Variants in MACROD2 observed in about 807,000 individuals in gnomAD.
The protein encoded by MACROD2 is mono-ADP ribosylhydrolase 2, also known as ADP-ribose glycohydrolase MACROD2.
A neutral mutation model predicts 70.4 loss-of-function variants in MACROD2; 36 were observed. The ratio of observed to expected loss-of-function variants is 0.51; its 90% CI spans 0.39 to 0.68. The LOEUF (loss-of-function observed/expected upper bound fraction) is 0.68. Among genes scored for constraint, MACROD2 ranks in the 30% least tolerant of loss-of-function variants. MACROD2 has a pLI of 0.00. For synonymous variants in MACROD2, 172 were observed against 178.8 expected (o/e 0.96, Z 0.30); for missense variants, 496 against 538.4 (o/e 0.92, Z 0.78).
At chr20:15,949,575 A>G (rs1409425251) in intron 12 of MACROD2, among the ~76,000 whole-genome samples, 1 of 152,124 alleles carries the variant, frequency 6.6e-6, no homozygotes, top group Non-Finnish European at 1.5e-5. Context: ...CACCTAAGAA[A>G]TCTCTACCTA....
At chr20:14,679,521 T>C (rs1234754654) in intron 4 of MACROD2, among the ~76,000 whole-genome samples, 2 of 152,182 alleles carry the variant, frequency 1.3e-5, no homozygotes, top group African/African-American at 4.8e-5. Flanking sequence ...ATGTAAGATA[T>C]GAAGAACAAC....
chr20:14,290,194 T>C (rs2082374779), intron 3 of MACROD2, among the ~76,000 whole-genome samples: 1 of 152,200 alleles, frequency 6.6e-6, no homozygotes, highest in African/African-American at 2.4e-5. Flanking sequence ...GGTAACAAAA[T>C]AATCTGTACA....
At chr20:14,278,910 T>C (rs2082281526) in intron 3 of MACROD2, among the ~76,000 whole-genome samples, 1 of 152,190 alleles carries the variant, frequency 6.6e-6, no homozygotes, top group Non-Finnish European at 1.5e-5. Flanking sequence ...TACAGTGAAA[T>C]GTAAGCAAGA....
chr20:15,977,936 C>G (rs974217140), intron 13 of MACROD2, among the ~76,000 whole-genome samples: 12 of 152,186 alleles, frequency 7.9e-5, no homozygotes, highest in African/African-American at 2.9e-4. Flanking sequence ...GAACTGAGAT[C>G]ACAGCACTTA....
intron 3 of MACROD2, among the ~76,000 whole-genome samples, chr20:14,096,138 A>G (rs2054221527): frequency 6.6e-6 from 1 of 152,176 alleles, no homozygotes; most frequent in African/African-American, 2.4e-5. Context: ...TTTTGGACTG[A>G]GAGTGGATTA....
At chr20:15,726,717 G>T (rs1413068629) in intron 8 of MACROD2, among the ~76,000 whole-genome samples, 1 of 151,978 alleles carries the variant, frequency 6.6e-6, no homozygotes, top group African/African-American at 2.4e-5. Flanking sequence ...TTGTTGGCCA[G>T]TGGGTGTCTT....
chr20:14,654,640 C>T (rs959519641), intron 4 of MACROD2, among the ~76,000 whole-genome samples: 1 of 152,056 alleles, frequency 6.6e-6, no homozygotes, highest in African/African-American at 2.4e-5. Context: ...ACTTTACATG[C>T]ACTAATTTTT....
At position 13,995,656 on chromosome 20, in the gene MACROD2, C is replaced by G; in HGVS notation, c.-108C>G. ...AGCGCAGGACGCAGAGCCTCTTTCA[C>G]TTTTTCCCTGCTGAGTGCCCCCTCC... On this transcript the variant is annotated 5_prime_UTR_variant, in exon 1 of 18. Coordinates refer to ENST00000684519, the MANE Select transcript of MACROD2 (RefSeq NM_001351661.2). This position sits in a 1 kb window ranked among gnomAD's most constrained non-coding sequence, Gnocchi z 4.3. 1 of 983,004 alleles carries G rather than the reference C, an allele frequency of 1.0e-6. No individual in the cohort carries two copies. The allele number at this position is 983,004 out of a possible 1,614,324, so 60.9% of individuals were successfully genotyped here.
At chr20:15,158,744 T>C (rs1192964887) in intron 5 of MACROD2, among the ~76,000 whole-genome samples, 1 of 152,174 alleles carries the variant, frequency 6.6e-6, no homozygotes, top group African/African-American at 2.4e-5. Context: ...GGTTTGTCTG[T>C]TTTCCTGAGT....
At position 15,697,808 on chromosome 20, in the gene MACROD2, G is replaced by A. The variant is rs1351997512; in HGVS notation, c.646-164937G>A. Among the ~76,000 whole-genome samples, 11 of 152,318 alleles carry A rather than the reference G, an allele frequency of 7.2e-5. No homozygotes were observed. The Middle Eastern group carries it at 0.01, about 141-fold the overall frequency. ...ACAAGGCCTTTTGCCATTATATAAAGTCCCTCTTTGTCTCTTTTAACCACT... is the reference window on the plus strand; with the variant it reads ...ACAAGGCCTTTTGCCATTATATAAAATCCCTCTTTGTCTCTTTTAACCACT... On this transcript the variant is annotated intron_variant, in intron 8 of 17. Coordinates refer to ENST00000684519, the MANE Select transcript of MACROD2 (RefSeq NM_001351661.2).
chr20:14,630,962 G>T (rs990760266), intron 4 of MACROD2, among the ~76,000 whole-genome samples: 1 of 151,950 alleles, frequency 6.6e-6, no homozygotes, highest in Non-Finnish European at 1.5e-5. Flanking sequence ...AATTATTTTT[G>T]TGTGTCTGTA....
At chr20:14,235,262 A>G (rs1395858071) in intron 3 of MACROD2, among the ~76,000 whole-genome samples, 1 of 152,222 alleles carries the variant, frequency 6.6e-6, no homozygotes, top group Non-Finnish European at 1.5e-5. Context: ...AAATATTTCA[A>G]TTATAGTTCT....
At chr20:14,134,310 T>C (rs989140575) in intron 3 of MACROD2, among the ~76,000 whole-genome samples, 2 of 152,190 alleles carry the variant, frequency 1.3e-5, no homozygotes, top group African/African-American at 4.8e-5. Flanking sequence ...TTTCTGACTC[T>C]AGCACTCTGA....
chr20:15,498,903 G>A (rs1451957362), intron 7 of MACROD2, among the ~76,000 whole-genome samples: 2 of 152,190 alleles, frequency 1.3e-5, no homozygotes, highest in Non-Finnish European at 2.9e-5. Context: ...AAATTGAAAG[G>A]TGATGGGATT....
At chr20:13,999,901 C>G (rs556136953) in intron 1 of MACROD2, among the ~76,000 whole-genome samples, 1 of 152,284 alleles carries the variant, frequency 6.6e-6, no homozygotes, top group South Asian at 2.1e-4. Context: ...GTAGTCCCAG[C>G]TACTCAGGAG....
At chr20:14,017,592 C>A (rs989549564) in intron 2 of MACROD2, among the ~76,000 whole-genome samples, 4 of 152,048 alleles carry the variant, frequency 2.6e-5, no homozygotes, top group African/African-American at 9.7e-5. Context: ...TCACATCCTT[C>A]ATTCTTCATG....
chr20:15,369,106 C>T (rs2045455028), intron 6 of MACROD2, among the ~76,000 whole-genome samples: 1 of 152,032 alleles, frequency 6.6e-6, no homozygotes, highest in South Asian at 2.1e-4. Context: ...AACATATTTA[C>T]TCACTAGAGA....
chr20:15,077,613 T>A lies in MACROD2; in HGVS notation c.419-152327T>A, dbSNP rs1024042901. ...TATGTTTTACTCCAAGAATGGCTGA[T>A]TTCCTCCTCTAGAGTAGTTGTAGCA... On this transcript the variant is annotated intron_variant, in intron 5 of 17. Coordinates refer to ENST00000684519, the MANE Select transcript of MACROD2 (RefSeq NM_001351661.2). Among the ~76,000 whole-genome samples, 8 of 152,304 alleles carry A rather than the reference T, an allele frequency of 5.3e-5. No homozygotes were observed. In the South Asian group the frequency reaches 6.2e-4, roughly 12 times the overall value.
At chr20:15,769,604 A>G (rs983596151) in intron 8 of MACROD2, among the ~76,000 whole-genome samples, 15 of 152,238 alleles carry the variant, frequency 9.9e-5, no homozygotes, top group Admixed American at 5.9e-4. Flanking sequence ...GTGCTCTGAC[A>G]TTATGATGGC....
Sources: gnomAD v4.1 joint callset for allele counts (sites outside exome capture counted in the v4.1 genomes callset) on GRCh38, gnomAD v4.1.1 for gene constraint, Gnocchi (gnomAD v3.1) non-coding constraint, MANE v1.5 for transcripts, NCBI Gene and HGNC (gene_info 2026-07-23, HGNC 2026-07-21) for gene names.